The following TEC variants were observed in gnomAD, a reference collection of about 807,000 sequenced individuals.
TEC encodes tyrosine-protein kinase Tec.
Under a neutral mutation model 93.0 loss-of-function variants are expected in TEC, and 72 were observed. The observed-to-expected ratio is 0.77, with a 90% confidence interval of 0.64 to 0.94. TEC has a LOEUF of 0.94. Ranked by LOEUF, TEC falls within the 40% of genes least tolerant of loss-of-function variation. TEC has a pLI of 0.00. For synonymous variants in TEC, 249 were observed against 247.7 expected, an observed-to-expected ratio of 1.01 and a Z score of -0.05; for missense variants, 630 against 757.9, an observed-to-expected ratio of 0.83 and a Z score of 1.98.
intron 2 of TEC, among the ~76,000 whole-genome samples, chr4:48,214,745 T>G (rs1723017257): frequency 6.6e-6 from 1 of 151,636 alleles, no homozygotes; most frequent in Non-Finnish European, 1.5e-5. Flanking sequence ...TCTCAGCTTC[T>G]AGGAAAGCTG....
At chr4:48,253,253 C>T (rs1200730931) in intron 1 of TEC, among the ~76,000 whole-genome samples, 1 of 152,172 alleles carries the variant, frequency 6.6e-6, no homozygotes, top group Admixed American at 6.5e-5. Context: ...GCTGTCGTCT[C>T]CTGGCATCCT....
chr4:48,264,518 G>T (rs1724582678), intron 1 of TEC, among the ~76,000 whole-genome samples: 1 of 152,168 alleles, frequency 6.6e-6, no homozygotes, highest in Non-Finnish European at 1.5e-5. Flanking sequence ...AATGGAAAAG[G>T]CTTCTCTGAG....
At chr4:48,260,865 G>A (rs1298792112) in intron 1 of TEC, among the ~76,000 whole-genome samples, 1 of 152,170 alleles carries the variant, frequency 6.6e-6, no homozygotes, top group East Asian at 1.9e-4. Flanking sequence ...AGAGATGACT[G>A]GAAGGGGATT....
intron 9 of TEC, among the ~76,000 whole-genome samples, chr4:48,152,739 T>C (rs549199008): frequency 6.6e-6 from 1 of 152,262 alleles, no homozygotes; most frequent in South Asian, 2.1e-4. Flanking sequence ...CCTCTCACTG[T>C]AGGGTCTCCA....
At chr4:48,142,746 C>A (rs1416807772) in intron 14 of TEC, among the ~76,000 whole-genome samples, 1 of 151,834 alleles carries the variant, frequency 6.6e-6, no homozygotes, top group South Asian at 2.1e-4. Flanking sequence ...AGTGGTGCGA[C>A]CTTGGCTCAC....
In TEC at chr4:48,225,207, G is replaced by A. The variant is rs549011298; in HGVS notation, c.138+3270C>T. ...CTTTTCCTTTTTTAGATGGAGTCTC[G>A]CTCTGTTACCCAGGCTGGAGTGCGT... On this transcript the variant is annotated intron_variant, in intron 2 of 17. Coordinates refer to ENST00000381501, the MANE Select transcript of TEC (RefSeq NM_003215.3). Among the ~76,000 whole-genome samples the A allele has an allele frequency of 4.0e-5, 6 of 150,920 alleles. No homozygotes were observed. In the East Asian group the frequency reaches 9.7e-4, roughly 24 times the overall value.
chr4:48,154,673 G>T (rs2109522364), intron 9 of TEC, among the ~76,000 whole-genome samples: 1 of 152,228 alleles, frequency 6.6e-6, no homozygotes, highest in Admixed American at 6.5e-5. Flanking sequence ...AACTAAATGG[G>T]TAGAAAGAGA....
chr4:48,249,207 G>C (rs1009256845), intron 1 of TEC, among the ~76,000 whole-genome samples: 1 of 152,124 alleles, frequency 6.6e-6, no homozygotes, highest in African/African-American at 2.4e-5. Flanking sequence ...TCCTCAACAG[G>C]CTACTTCTTA....
rs141374593 is a variant in TEC at position 48,263,617 on chromosome 4, C to A, written c.-46+6135G>T. The stretch of plus-strand genomic sequence containing the variant: ...TAATCCCAGCTACTCGGGAGGCTGA[C>A]GCAGGAGAATCACTTGAACCCAGGA... On this transcript the variant is annotated intron_variant, in intron 1 of 17. Coordinates refer to ENST00000381501, the MANE Select transcript of TEC (RefSeq NM_003215.3). 7.7e-3 allele frequency among the ~76,000 whole-genome samples: 1,171 copies of A among 151,980 alleles called. 13 individuals are homozygous for A. The highest frequency in any genetic ancestry group is 0.027 in the African/African-American group (1,106 of 41,438).
chr4:48,221,915 T>A (rs1048121362), intron 2 of TEC, among the ~76,000 whole-genome samples: 1 of 152,200 alleles, frequency 6.6e-6, no homozygotes, highest in Admixed American at 6.5e-5. Context: ...CTTATTATAC[T>A]ACACTATCAC....
Position 48,136,554 on chromosome 4 carries a change from T to G in TEC, c.*862A>C, listed in dbSNP as rs1019463148. The G allele has an allele frequency of 6.6e-6, 1 of 152,230 alleles. No individual in the cohort carries two copies. The highest frequency in any genetic ancestry group is 1.5e-5 in the Non-Finnish European group (1 of 68,066). The allele number at this position is 152,230 out of a possible 1,614,324, so 9.4% of individuals were successfully genotyped here. On this transcript the variant is annotated 3_prime_UTR_variant, in exon 18 of 18. Coordinates refer to ENST00000381501, the MANE Select transcript of TEC (RefSeq NM_003215.3). Reference sequence around the variant, plus strand: ...GTTTAATTTTCCATCTGATTCTGATTAGCTGCGGCCACCATGGGCAGGATT... The same window carrying G: ...GTTTAATTTTCCATCTGATTCTGATGAGCTGCGGCCACCATGGGCAGGATT...
intron 1 of TEC, among the ~76,000 whole-genome samples, chr4:48,249,463 T>C (rs888978461): frequency 1.3e-5 from 2 of 152,260 alleles, no homozygotes; most frequent in African/African-American, 4.8e-5. Context: ...GTAAATCTTA[T>C]GTTCATGGTA....
intron 14 of TEC, chr4:48,141,807 A>G (rs1047947866): frequency 1.2e-4 from 21 of 181,856 alleles, no homozygotes; most frequent in Non-Finnish European, 2.3e-4. Flanking sequence ...CCCAGCCTCC[A>G]GAGTAGCTGG....
intron 5 of TEC, 127 bp downstream of exon 5, chr4:48,170,121 C>G: frequency 1.4e-6 from 1 of 705,774 alleles, no homozygotes; most frequent in Non-Finnish European, 2.2e-6. Context: ...ACAAAACACA[C>G]CTACCCTACA....
chr4:48,233,340 C>CTTT (rs34862159), intron 1 of TEC, among the ~76,000 whole-genome samples: 2 of 138,352 alleles, frequency 1.4e-5, no homozygotes, highest in Non-Finnish European at 3.1e-5. Flanking sequence ...CCAATTGACA[C>CTTT]TTTTTTTTTT....
chr4:48,250,818 T>TCGGG (rs1724180093), intron 1 of TEC, among the ~76,000 whole-genome samples: 1 of 152,138 alleles, frequency 6.6e-6, no homozygotes, highest in Admixed American at 6.5e-5. Flanking sequence ...CCAGTTAAGA[T>TCGGG]CAACCAAGCC....
chr4:48,168,455 C>T (rs980710635), intron 6 of TEC, 131 bp downstream of exon 6: 12 of 917,588 alleles, frequency 1.3e-5, no homozygotes, highest in African/African-American at 5.1e-5. Flanking sequence ...GCTTCTGAGA[C>T]GATCCTAGGG....
intron 1 of TEC, among the ~76,000 whole-genome samples, chr4:48,267,975 G>A (rs899441408): frequency 6.6e-6 from 1 of 152,224 alleles, no homozygotes; most frequent in Admixed American, 6.5e-5. Context: ...CCCGGAGAAA[G>A]GCAGAGAGGC....
At chr4:48,252,535 A>G (rs1724232889) in intron 1 of TEC, among the ~76,000 whole-genome samples, 2 of 152,210 alleles carry the variant, frequency 1.3e-5, no homozygotes, top group African/African-American at 4.8e-5. Context: ...TGAGTCACCA[A>G]CTTCCCAGAC....
Sources: gnomAD v4.1 joint callset for allele counts (sites outside exome capture counted in the v4.1 genomes callset) on GRCh38, gnomAD v4.1.1 for gene constraint, MANE v1.5 for transcripts, NCBI Gene and HGNC (gene_info 2026-07-23, HGNC 2026-07-21) for gene names.